The following TEKTL1 variants were observed in gnomAD, a reference collection of about 807,000 sequenced individuals.
TEKTL1 encodes the protein tektin like 1.
At chr19:15,011,008 C>A in the TEKTL1 span, 4 of 1,586,284 alleles carry the variant, frequency 2.5e-6, no homozygotes, top group East Asian at 2.3e-5. Context: ...TGGCCCACCA[C>A]CTCGGCCGCG....
At chr19:15,017,365 T>C in the TEKTL1 span, among the ~76,000 whole-genome samples, 33,489 of 150,070 alleles carry the variant, frequency 0.22, 4,088 homozygotes, top group African/African-American at 0.33. Context: ...GGAGAGTGTT[T>C]ATAAGGGTGT....
At chr19:15,013,867 A>G in the TEKTL1 span, 23 of 748,236 alleles carry the variant, frequency 3.1e-5, no homozygotes, top group East Asian at 2.4e-4. Flanking sequence ...GACTGTCACA[A>G]TAGCAATTCC....
the TEKTL1 span, among the ~76,000 whole-genome samples, chr19:15,015,368 G>A: frequency 1.3e-5 from 2 of 152,110 alleles, no homozygotes; most frequent in East Asian, 1.9e-4. Context: ...CAGATACCTC[G>A]CCTTAAGTCT....
the TEKTL1 span, chr19:15,021,918 A>G: frequency 6.2e-7 from 1 of 1,612,432 alleles, no homozygotes; most frequent in African/African-American, 1.3e-5. Context: ...CGCCTCGCAC[A>G]GGTAAACCCC....
At chr19:15,021,231 C>A in the TEKTL1 span, 1 of 1,309,984 alleles carries the variant, frequency 7.6e-7, no homozygotes, top group Non-Finnish European at 1.0e-6. Context: ...CCTGGACTTT[C>A]ACCCAGTTCC....
the TEKTL1 span, among the ~76,000 whole-genome samples, chr19:15,017,073 T>C: frequency 1.3e-5 from 2 of 152,128 alleles, no homozygotes; most frequent in Admixed American, 1.3e-4. Flanking sequence ...TGTTTAAAAA[T>C]AACTGGGCAT....
the TEKTL1 span, among the ~76,000 whole-genome samples, chr19:15,018,715 A>AATATATAT: frequency 1.3e-4 from 9 of 68,250 alleles, 1 homozygote; most frequent in Admixed American, 9.6e-4. Flanking sequence ...CCTATCTCAA[A>AATATATAT]ATATGTATAT....
chr19:15,020,614 G>A, the TEKTL1 span: 1 of 1,613,958 alleles, frequency 6.2e-7, no homozygotes, highest in Non-Finnish European at 8.5e-7. Flanking sequence ...ACGCACACAG[G>A]GTCAGAAAAC....
chr19:15,013,812 A>G, the TEKTL1 span: 2 of 1,410,258 alleles, frequency 1.4e-6, no homozygotes, highest in Non-Finnish European at 2.0e-6. Flanking sequence ...CGGGGGCTGG[A>G]GGGGGATCCC....
chr19:15,023,117 T>A, the TEKTL1 span: 2 of 1,592,740 alleles, frequency 1.3e-6, no homozygotes, highest in Admixed American at 1.8e-5. Context: ...CGCGGACCCC[T>A]AGTGACCCCA....
chr19:15,010,824 C>T, the TEKTL1 span: 1 of 1,532,926 alleles, frequency 6.5e-7, no homozygotes, highest in Non-Finnish European at 8.8e-7. Context: ...CAAGCAGGGA[C>T]CATGCGCGTG....
At chr19:15,020,417 A>G in the TEKTL1 span, 5 of 1,561,648 alleles carry the variant, frequency 3.2e-6, no homozygotes, top group East Asian at 2.3e-5. Flanking sequence ...ACTTCCCTCA[A>G]CCTCCCAGTT....
the TEKTL1 span, chr19:15,021,983 G>T: frequency 7.8e-7 from 1 of 1,286,170 alleles, no homozygotes; most frequent in Non-Finnish European, 1.1e-6. Context: ...CCTTCCTCAA[G>T]CACATCTGGA....
chr19:15,023,229 G>A, the TEKTL1 span: 36 of 907,286 alleles, frequency 4.0e-5, no homozygotes, highest in East Asian at 9.2e-4. Flanking sequence ...CTCCCTCCAA[G>A]CACCCTCTAG....
At chr19:15,020,611 C>G in the TEKTL1 span, 2 of 1,614,070 alleles carry the variant, frequency 1.2e-6, no homozygotes, top group Non-Finnish European at 1.7e-6. Context: ...TCCACGCACA[C>G]AGGGTCAGAA....
At chr19:15,017,031 C>A in the TEKTL1 span, among the ~76,000 whole-genome samples, 4 of 152,110 alleles carry the variant, frequency 2.6e-5, no homozygotes, top group African/African-American at 9.7e-5. Flanking sequence ...GGCCAGCTTG[C>A]ACAGCATAGC....
At chr19:15,018,535 C>T in the TEKTL1 span, among the ~76,000 whole-genome samples, 6 of 150,308 alleles carry the variant, frequency 4.0e-5, no homozygotes, top group Non-Finnish European at 7.4e-5. Context: ...ATAGTAAGAC[C>T]GCGTCCCTAC....
chr19:15,013,135 A>C, the TEKTL1 span, among the ~76,000 whole-genome samples: 1 of 152,134 alleles, frequency 6.6e-6, no homozygotes, highest in Non-Finnish European at 1.5e-5. Flanking sequence ...TCTTCCCCTT[A>C]AAGTGAAATC....
At chr19:15,011,867 C>T in the TEKTL1 span, among the ~76,000 whole-genome samples, 2 of 152,016 alleles carry the variant, frequency 1.3e-5, no homozygotes, top group East Asian at 3.9e-4. Flanking sequence ...GGTGTGAGGA[C>T]CGCTTGAGTC....
Sources: allele counts gnomAD v4.1 joint callset (sites outside exome capture counted in the v4.1 genomes callset), GRCh38; gene constraint gnomAD v4.1.1; transcripts MANE v1.5; gene names NCBI Gene and HGNC (gene_info 2026-07-23, HGNC 2026-07-21).